Variants in GABRG3 observed in about 807,000 individuals in gnomAD.
The protein encoded by GABRG3 is gamma-aminobutyric acid receptor subunit gamma-3.
A neutral mutation model predicts 48.8 loss-of-function variants in GABRG3; 25 were observed. That is an observed-to-expected ratio of 0.51 (90% CI 0.37 to 0.72). GABRG3 has a LOEUF of 0.72. Ranked by LOEUF, GABRG3 falls within the 30% of genes least tolerant of loss-of-function variation. GABRG3 has a pLI of 0.00. For missense variants in GABRG3, 394 were observed against 577.9 expected, an observed-to-expected ratio of 0.68 and a Z score of 3.26; for synonymous variants, 227 against 217.6, an observed-to-expected ratio of 1.04 and a Z score of -0.38.
At chr15:27,130,075 A>AT (rs555772420) in intron 3 of GABRG3, among the ~76,000 whole-genome samples, 55 of 151,896 alleles carry the variant, frequency 3.6e-4, no homozygotes, top group African/African-American at 1.3e-3. Flanking sequence ...CAGTTTATCT[A>AT]TTTTTTTCTT....
At chr15:27,477,187 C>A (rs1194319529) in intron 5 of GABRG3, among the ~76,000 whole-genome samples, 1 of 152,122 alleles carries the variant, frequency 6.6e-6, no homozygotes, top group Non-Finnish European at 1.5e-5. Context: ...ACCAAGATGG[C>A]TTTCAGTAGG....
chr15:26,996,644 A>ATTTATTTAT (rs979702397), intron 2 of GABRG3, among the ~76,000 whole-genome samples: 3 of 144,078 alleles, frequency 2.1e-5, no homozygotes, highest in African/African-American at 7.4e-5. Context: ...TTATTTATTT[A>ATTTATTTAT]TTTATTTTAT....
intron 5 of GABRG3, among the ~76,000 whole-genome samples, chr15:27,450,054 C>T (rs1156720167): frequency 6.6e-6 from 1 of 152,152 alleles, no homozygotes; most frequent in Non-Finnish European, 1.5e-5. Flanking sequence ...GATAAATGTT[C>T]AGTTTATAAA....
At chr15:27,054,125 G>A (rs185846231) in intron 3 of GABRG3, among the ~76,000 whole-genome samples, 4 of 152,232 alleles carry the variant, frequency 2.6e-5, no homozygotes, top group Admixed American at 2.6e-4. Flanking sequence ...TGTAATCCCA[G>A]CTACTCAGGA....
At chr15:26,977,483 T>C (rs975585578) in intron 2 of GABRG3, among the ~76,000 whole-genome samples, 2 of 152,212 alleles carry the variant, frequency 1.3e-5, no homozygotes, top group African/African-American at 4.8e-5. Flanking sequence ...CCCCCAAAAT[T>C]TCTAACCATT....
intron 3 of GABRG3, among the ~76,000 whole-genome samples, chr15:27,291,979 A>T (rs1459415530): frequency 6.6e-6 from 1 of 152,150 alleles, no homozygotes; most frequent in Non-Finnish European, 1.5e-5. Flanking sequence ...CCTCCCCATA[A>T]TTGTTGCTAA....
intron 3 of GABRG3, among the ~76,000 whole-genome samples, chr15:27,218,613 G>T (rs115954114): frequency 6.6e-6 from 1 of 152,130 alleles, no homozygotes; most frequent in African/African-American, 2.4e-5. Flanking sequence ...GTTGAGTGTG[G>T]TGTCCTGGCT....
chr15:27,324,278 C>T (rs1008531056), intron 3 of GABRG3, among the ~76,000 whole-genome samples: 7 of 152,170 alleles, frequency 4.6e-5, no homozygotes, highest in African/African-American at 1.7e-4. Flanking sequence ...CTTTGATCCA[C>T]TGACCTGTAA....
chr15:27,149,139 G>C (rs1371431217), intron 3 of GABRG3, among the ~76,000 whole-genome samples: 1 of 151,988 alleles, frequency 6.6e-6, no homozygotes, highest in East Asian at 1.9e-4. Flanking sequence ...AATAATGAAT[G>C]AGTTCAACAA....
chr15:27,528,079 T>A, intron 9 of GABRG3, 87 bp downstream of exon 9: 1 of 979,802 alleles, frequency 1.0e-6, no homozygotes, highest in Non-Finnish European at 1.6e-6. Flanking sequence ...TGTTGATGCA[T>A]GCATGTATTG....
At chr15:27,304,663 AC>A (rs2140495533) in intron 3 of GABRG3, among the ~76,000 whole-genome samples, 1 of 152,070 alleles carries the variant, frequency 6.6e-6, no homozygotes, top group East Asian at 1.9e-4. Context: ...CTCTGATCTT[AC>A]TGTTTTTCTC....
intron 6 of GABRG3, among the ~76,000 whole-genome samples, chr15:27,500,598 C>A (rs917702852): frequency 6.6e-6 from 1 of 152,222 alleles, no homozygotes; most frequent in Non-Finnish European, 1.5e-5. Context: ...TATTCCCAGC[C>A]CCTAAGACGC....
At chr15:27,503,788 A>G (rs769834920) in intron 6 of GABRG3, among the ~76,000 whole-genome samples, 1 of 152,186 alleles carries the variant, frequency 6.6e-6, no homozygotes, top group East Asian at 1.9e-4. Context: ...CACTAAGCAT[A>G]ATTGTAGATT....
rs1173499577 is a variant in GABRG3, at chr15:27,457,714, G to C, written c.575-22936G>C. On this transcript the variant is annotated intron_variant, in intron 5 of 9. Coordinates refer to ENST00000615808, the MANE Select transcript of GABRG3 (RefSeq NM_033223.5). This position sits in a 1 kb window ranked among gnomAD's most constrained non-coding sequence, Gnocchi z 4.4. ...CCAGCCTTCCTTACTCTGACCTGAT[G>C]GTTGCAGTCGCCGTGTTTTCTGGCC... 6.6e-6 allele frequency among the ~76,000 whole-genome samples: 1 copy of C among 152,152 alleles called. No homozygotes were observed. Among genetic ancestry groups the C allele is most frequent in the Non-Finnish European group, 1.5e-5 (1 of 68,046 alleles).
Position 27,359,048 on chromosome 15 carries a change from C to A in GABRG3, c.574+30160C>A, listed in dbSNP as rs1434399553. 3.9e-5 allele frequency among the ~76,000 whole-genome samples: 6 copies of A among 152,352 alleles called. No homozygotes were observed. The East Asian group carries it at 1.2e-3, about 30-fold the overall frequency. On this transcript the variant is annotated intron_variant, in intron 5 of 9. Coordinates refer to ENST00000615808, the MANE Select transcript of GABRG3 (RefSeq NM_033223.5). ...TGGTGGCTGCCTGCACTGCAGGCTC[C>A]TTTTATGGACAAGTTTTGGGGGTGA...
At chr15:27,385,971 C>T (rs9330521) in intron 5 of GABRG3, among the ~76,000 whole-genome samples, 51,305 of 151,964 alleles carry the variant, frequency 0.34, 8,906 homozygotes, top group East Asian at 0.49. Context: ...TTGAAAACTG[C>T]GTATTTTAGA....
chr15:27,063,252 C>T (rs1042338008), intron 3 of GABRG3, among the ~76,000 whole-genome samples: 1 of 152,194 alleles, frequency 6.6e-6, no homozygotes, highest in African/African-American at 2.4e-5. Flanking sequence ...GGAGTGTCTT[C>T]GGGTGGACGT....
intron 5 of GABRG3, among the ~76,000 whole-genome samples, chr15:27,348,559 G>T (rs1894455664): frequency 6.6e-6 from 1 of 152,164 alleles, no homozygotes; most frequent in African/African-American, 2.4e-5. Context: ...GAGTCATAGG[G>T]TGTAGTCAAG....
At chr15:27,138,939 G>A (rs1020505333) in intron 3 of GABRG3, among the ~76,000 whole-genome samples, 2 of 151,992 alleles carry the variant, frequency 1.3e-5, no homozygotes, top group African/African-American at 2.4e-5. Context: ...GCTTTTTTCT[G>A]TCTTGGGTAC....
Sources: allele counts gnomAD v4.1 joint callset (sites outside exome capture counted in the v4.1 genomes callset), GRCh38; gene constraint gnomAD v4.1.1; non-coding constraint Gnocchi (gnomAD v3.1); transcripts MANE v1.5; gene names NCBI Gene and HGNC (gene_info 2026-07-23, HGNC 2026-07-21).